Variants in ZNF445 observed in about 807,000 individuals in gnomAD.
ZNF445 encodes the protein zinc finger protein 445, also known as zinc finger protein 168.
Under a neutral mutation model 93.9 loss-of-function variants are expected in ZNF445, and 19 were observed. That is an observed-to-expected ratio of 0.20 (90% CI 0.14 to 0.30). ZNF445 has a LOEUF of 0.30. Ranked by LOEUF, ZNF445 falls within the 10% of genes least tolerant of loss-of-function variation. The pLI, the probability that ZNF445 is intolerant of heterozygous loss-of-function variation, is 1.00. For missense variants in ZNF445, 1,058 were observed against 1,259.4 expected, an observed-to-expected ratio of 0.84 and a Z score of 2.42; for synonymous variants, 449 against 446.3, an observed-to-expected ratio of 1.01 and a Z score of -0.08.
intron 3 of ZNF445, among the ~76,000 whole-genome samples, chr3:44,451,969 G>C (rs1697964273): frequency 6.6e-6 from 1 of 152,198 alleles, no homozygotes; most frequent in Non-Finnish European, 1.5e-5. Context: ...AGGCAGGCTA[G>C]CTCCCAAATT....
In ZNF445 at chr3:44,432,265, GTGTGTGTC is replaced by G. The variant is rs1355192878; in HGVS notation, c.*14302_*14309del. On this transcript the variant is annotated 3_prime_UTR_variant, in exon 8 of 8. Coordinates refer to ENST00000396077, the MANE Select transcript of ZNF445 (RefSeq NM_181489.6). ...GGAACACATCTACACTCATTTGTGT[GTGTGTGTC>G]TGTGTGTGTGTGTGTGTGTGTGTGT... The G allele has an allele frequency of 8.2e-4, 104 of 126,588 alleles. No individual in the cohort carries two copies. The highest frequency in any genetic ancestry group is 3.8e-3 in the Middle Eastern group (1 of 262). 7.8% of individuals were successfully genotyped at this position (126,588 alleles called of 1,614,324 possible).
In ZNF445 at chr3:44,446,409, G is replaced by T; in HGVS notation, c.*166C>A. 2 of 946,180 alleles carry T rather than the reference G, an allele frequency of 2.1e-6. No individual in the cohort carries two copies. The highest frequency in any genetic ancestry group is 1.5e-6 in the Non-Finnish European group (1 of 646,876). 58.6% of individuals were successfully genotyped at this position (946,180 alleles called of 1,614,324 possible). A position where few individuals can be genotyped will look rare whatever the true frequency, so the allele number is the denominator to read the frequency against. On this transcript the variant is annotated 3_prime_UTR_variant, in exon 8 of 8. Coordinates refer to ENST00000396077, the MANE Select transcript of ZNF445 (RefSeq NM_181489.6). The surrounding 1 kb of genome is among the most constrained non-coding windows in gnomAD (Gnocchi z 4.2). Reference sequence around the variant, plus strand: ...CTTCCCCAGCGTCACATCCTAGCAGGCAGGCTGGGGACTCCCCGAGCTTTC... The same window carrying T: ...CTTCCCCAGCGTCACATCCTAGCAGTCAGGCTGGGGACTCCCCGAGCTTTC...
At position 44,447,679 on chromosome 3, in the gene ZNF445, T is replaced by C. The variant is rs752327406; in HGVS notation, c.1992A>G (p.Gln664=). 11 of 1,614,130 alleles carry C rather than the reference T, an allele frequency of 6.8e-6. No individual in the cohort carries two copies. The highest frequency in any genetic ancestry group is 3.3e-4 in the Middle Eastern group (2 of 6,062). ...KQDECREGFR[Q]SPDCSQPQGA... is the part of the protein sequence containing the mutation. ...CCTGGGGCTGACTGCAGTCAGGAGA[T>C]TGCCTGAAGCCTTCACGACATTCAT... Residue 664 remains glutamine (Q), a synonymous_variant, in exon 8 of 8, where the codon CAA becomes CAG. Transcript: ENST00000396077. This position sits in a 1 kb window ranked among gnomAD's most constrained non-coding sequence, Gnocchi z 4.7.
chr3:44,448,527 G>A lies in ZNF445; in HGVS notation c.1144C>T (p.His382Tyr), dbSNP rs766655260. The change falls in exon 8 of 8, where the codon CAC becomes TAC. Residue 382 changes from histidine to tyrosine, a missense_variant. This residue lies in a region of ZNF445 where 657 missense variants were observed against 746.4 expected (regional missense o/e 0.88). Transcript: ENST00000396077. ...ACTTCAGAGTCTTTTCCTGTCCTGT[G>A]ACTGAAATTGGTCTCTTCTTTCTTA... ...RVKKEETNFS[H>Y]RTGKDSEVSG... 6.2e-7 allele frequency: 1 copy of A among 1,614,008 alleles called. No homozygotes were observed. The highest frequency in any genetic ancestry group is 8.5e-7 in the Non-Finnish European group (1 of 1,180,020).
In ZNF445 at chr3:44,445,950, T is replaced by C. The variant is rs1299671167; in HGVS notation, c.*625A>G. ...CCTATGCAGGCCTGTGGGATGGGGATGGCAACAGGGTACTGGTAGAGATCC... is the reference window on the plus strand; with the variant it reads ...CCTATGCAGGCCTGTGGGATGGGGACGGCAACAGGGTACTGGTAGAGATCC... On this transcript the variant is annotated 3_prime_UTR_variant, in exon 8 of 8. Transcript: ENST00000396077. The C allele has an allele frequency of 1.3e-5, 2 of 153,512 alleles. No homozygotes were observed. The highest frequency in any genetic ancestry group is 4.8e-5 in the African/African-American group (2 of 41,462). 9.5% of individuals were successfully genotyped at this position (153,512 alleles called of 1,614,324 possible).
In ZNF445 at chr3:44,441,436, A is replaced by T. The variant is rs960570861; in HGVS notation, c.*5139T>A. Reference sequence around the variant, plus strand: ...TCTCATCCCATGACTTGGAATGCCTAACCTCCTGGGAATGCAGCCCAGTAG... The same window carrying T: ...TCTCATCCCATGACTTGGAATGCCTTACCTCCTGGGAATGCAGCCCAGTAG... On this transcript the variant is annotated 3_prime_UTR_variant, in exon 8 of 8. Coordinates refer to ENST00000396077, the MANE Select transcript of ZNF445 (RefSeq NM_181489.6). The T allele has an allele frequency of 2.0e-5, 3 of 152,174 alleles. No individual in the cohort carries two copies. Among genetic ancestry groups the T allele is most frequent in the African/African-American group, 7.2e-5 (3 of 41,396 alleles). 9.4% of individuals were successfully genotyped at this position (152,174 alleles called of 1,614,324 possible).
At chr3:44,471,984 C>T (rs1321573729) in intron 1 of ZNF445, among the ~76,000 whole-genome samples, 1 of 152,088 alleles carries the variant, frequency 6.6e-6, no homozygotes, top group Non-Finnish European at 1.5e-5. Context: ...AGCCTCGGTG[C>T]GTGCCAGCAG....
intron 1 of ZNF445, among the ~76,000 whole-genome samples, chr3:44,472,485 A>G (rs1439405777): frequency 6.6e-6 from 1 of 152,228 alleles, no homozygotes; most frequent in Non-Finnish European, 1.5e-5. Flanking sequence ...AGCTGGGATT[A>G]CAGGCGCATG....
rs77136658 is a variant in ZNF445, at chr3:44,449,803, T to C, written c.821-180A>G. Among the ~76,000 whole-genome samples the C allele has an allele frequency of 7.2e-3, 1,096 of 152,306 alleles. 8 individuals are homozygous for C. The highest frequency in any genetic ancestry group is 0.025 in the African/African-American group (1,044 of 41,570). ...CCTGAGCAGAGATAAGAGAGACTGA[T>C]AGAAGTTGCCCACAAAAGGATTACT... On this transcript the variant is annotated intron_variant, in intron 6 of 7. Coordinates refer to ENST00000396077, the MANE Select transcript of ZNF445 (RefSeq NM_181489.6).
At chr3:44,473,731 T>A (rs1468822735) in intron 1 of ZNF445, among the ~76,000 whole-genome samples, 44 of 133,538 alleles carry the variant, frequency 3.3e-4, no homozygotes, top group African/African-American at 7.5e-4. Flanking sequence ...AAGGAAGGAC[T>A]AAAAAAAAAA....
intron 1 of ZNF445, among the ~76,000 whole-genome samples, chr3:44,474,510 G>A (rs543827417): frequency 1.2e-3 from 188 of 152,122 alleles, no homozygotes; most frequent in Non-Finnish European, 2.1e-3. Flanking sequence ...GCAAAATTCC[G>A]TCTCAAACAA....
In ZNF445 at chr3:44,437,107, G is replaced by A. The variant is rs552094301; in HGVS notation, c.*9468C>T. ...GTTTCTTGATGATATGCTAAACAAG[G>A]GGTGGATTATTCATGCCTCCCCTCT... On this transcript the variant is annotated 3_prime_UTR_variant, in exon 8 of 8. Coordinates refer to ENST00000396077, the MANE Select transcript of ZNF445 (RefSeq NM_181489.6). 1.3e-5 allele frequency: 2 copies of A among 152,260 alleles called. No individual in the cohort carries two copies. Among genetic ancestry groups the A allele is most frequent in the Non-Finnish European group, 2.9e-5 (2 of 68,028 alleles). The allele number at this position is 152,260 out of a possible 1,614,324, so 9.4% of individuals were successfully genotyped here. A position where few individuals can be genotyped will look rare whatever the true frequency, so the allele number is the denominator to read the frequency against.
chr3:44,475,153 T>A (rs185366726), intron 1 of ZNF445, among the ~76,000 whole-genome samples: 1 of 152,294 alleles, frequency 6.6e-6, no homozygotes, highest in African/African-American at 2.4e-5. Context: ...AGTCATTCAG[T>A]CATCATCATT....
chr3:44,470,491 G>C (rs1394844326), intron 1 of ZNF445, among the ~76,000 whole-genome samples: 1 of 152,090 alleles, frequency 6.6e-6, no homozygotes, highest in Non-Finnish European at 1.5e-5. Context: ...GCATTTAAAA[G>C]CAACTTTATA....
intron 1 of ZNF445, among the ~76,000 whole-genome samples, chr3:44,458,922 CCACT>C (rs1698068905): frequency 6.6e-6 from 1 of 152,174 alleles, no homozygotes; most frequent in Non-Finnish European, 1.5e-5. Flanking sequence ...CTGAATGTCC[CCACT>C]CAGTCTATTA....
Position 44,448,215 on chromosome 3 carries a change from T to G in ZNF445, c.1456A>C (p.Lys486Gln). Residue 486 changes from lysine (K) to glutamine (Q), a missense_variant, in exon 8 of 8, where the codon AAG becomes CAG. Lys to Gln is a moderately conservative substitution (Grantham distance 53). Around this residue, in one of 3 missense-constraint regions of ZNF445, gnomAD observed 657 missense variants for 746.4 expected, o/e 0.88. Coordinates refer to ENST00000396077, the MANE Select transcript of ZNF445 (RefSeq NM_181489.6). ...AAAGTCCTTCCACAGTCACTGCACT[T>G]AAATGACACTCCCACTGTGTGAAGA... is the stretch of plus-strand genomic sequence containing the variant. ...QSLHTVGVSFKCSDCGRTFSH... is the reference protein window; with the variant it reads ...QSLHTVGVSFQCSDCGRTFSH... The G allele has an allele frequency of 6.2e-7, 1 of 1,614,204 alleles. No individual in the cohort carries two copies. Among genetic ancestry groups the G allele is most frequent in the South Asian group, 1.1e-5 (1 of 91,084 alleles).
intron 6 of ZNF445, 119 bp from the exon 7 acceptor site, chr3:44,449,742 G>A (rs1208122086): frequency 1.1e-5 from 8 of 734,294 alleles, no homozygotes; most frequent in Admixed American, 2.2e-5. Context: ...GCAGGCAGCA[G>A]AAGCTAGCGA....
At position 44,455,292 on chromosome 3, in the gene ZNF445, A is replaced by G. The variant is rs140697707; in HGVS notation, c.258T>C (p.Pro86=). The part of the protein sequence containing the change: ...LRELCRWWLR[P]DVLSKAQILE... ...GGATCTGTGCCTTGGAGAGAACGTC[A>G]GGCCTCAGCCACCAGCGACAGAGTT... The change falls in exon 3 of 8, where the codon CCT becomes CCC. Residue 86 remains proline (P), a synonymous_variant. Transcript: ENST00000396077. 90 of 1,614,036 alleles carry G rather than the reference A, an allele frequency of 5.6e-5. No homozygotes were observed. Among genetic ancestry groups the G allele is most frequent in the Middle Eastern group, 4.9e-4 (3 of 6,082 alleles).
Position 44,447,221 on chromosome 3 carries a change from T to C in ZNF445, c.2450A>G (p.Gln817Arg). Residue 817 changes from glutamine (Q) to arginine (R), a missense_variant, in exon 8 of 8, where the codon CAG (glutamine) becomes CGG (arginine). Physicochemically the swap from Gln to Arg is conservative, Grantham distance 43. This residue lies in a region of ZNF445 where 387 missense variants were observed against 475.7 expected (regional missense o/e 0.81). Transcript: ENST00000396077. This position sits in a 1 kb window ranked among gnomAD's most constrained non-coding sequence, Gnocchi z 4.7. ...RHQRIHSLQK[Q>R]YDCHESEKTP... is the part of the protein sequence containing the mutation. ...CTTTTCACTTTCATGGCAATCATACTGTTTTTGAAGAGAGTGAATCCTCTG... is the reference window on the plus strand; with the variant it reads ...CTTTTCACTTTCATGGCAATCATACCGTTTTTGAAGAGAGTGAATCCTCTG... 6.2e-7 allele frequency: 1 copy of C among 1,614,216 alleles called. No homozygotes were observed. Among genetic ancestry groups the C allele is most frequent in the South Asian group, 1.1e-5 (1 of 91,088 alleles).
Sources: allele counts gnomAD v4.1 joint callset (sites outside exome capture counted in the v4.1 genomes callset), GRCh38; gene constraint gnomAD v4.1.1; regional missense constraint gnomAD v4.1.1; non-coding constraint Gnocchi (gnomAD v3.1); transcripts MANE v1.5; gene names NCBI Gene and HGNC (gene_info 2026-07-23, HGNC 2026-07-21).